Variants in SDCCAG8 observed in about 807,000 individuals in gnomAD.
SDCCAG8 encodes the protein serologically defined colon cancer antigen 8.
Under a neutral mutation model 101.8 loss-of-function variants are expected in SDCCAG8, and 74 were observed. The observed-to-expected ratio is 0.73, with a 90% confidence interval of 0.60 to 0.88. SDCCAG8 has a LOEUF of 0.88. Ranked by LOEUF, SDCCAG8 falls within the 40% of genes least tolerant of loss-of-function variation. The probability of loss-of-function intolerance (pLI) is 0.00; values close to 1 mark genes in which losing one functional copy is unlikely to be tolerated. For missense variants in SDCCAG8, 787 were observed against 822.6 expected (o/e 0.96, Z 0.53); for synonymous variants, 281 against 292.9 (o/e 0.96, Z 0.41).
At chr1:243,465,473 A>G (rs553717520) in intron 16 of SDCCAG8, among the ~76,000 whole-genome samples, 3 of 152,336 alleles carry the variant, frequency 2.0e-5, no homozygotes, top group South Asian at 2.1e-4. Flanking sequence ...TGAATGTACT[A>G]TGTTCTATTG....
At chr1:243,429,071 C>T (rs530310820) in intron 16 of SDCCAG8, among the ~76,000 whole-genome samples, 1 of 152,118 alleles carries the variant, frequency 6.6e-6, no homozygotes, top group Non-Finnish European at 1.5e-5. Context: ...GGAAGTACTT[C>T]CAAGAAGCAG....
intron 15 of SDCCAG8, among the ~76,000 whole-genome samples, chr1:243,421,357 C>T (rs2080987713): frequency 6.6e-6 from 1 of 152,162 alleles, no homozygotes; most frequent in Non-Finnish European, 1.5e-5. Context: ...AGCATGGGCT[C>T]GGCGTGCACG....
intron 12 of SDCCAG8, among the ~76,000 whole-genome samples, chr1:243,350,376 T>TTTG (rs201333787): frequency 4.0e-5 from 6 of 151,734 alleles, no homozygotes; most frequent in African/African-American, 1.2e-4. Flanking sequence ...CCCCAGCTAT[T>TTTG]TTGTTGTTGT....
At chr1:243,311,004 G>A (rs2072666981) in intron 8 of SDCCAG8, among the ~76,000 whole-genome samples, 1 of 152,110 alleles carries the variant, frequency 6.6e-6, no homozygotes, top group Non-Finnish European at 1.5e-5. Flanking sequence ...ATAAATTGGT[G>A]GAAATACTTT....
intron 13 of SDCCAG8, among the ~76,000 whole-genome samples, chr1:243,413,085 G>C (rs1034219886): frequency 6.6e-6 from 1 of 152,172 alleles, no homozygotes; most frequent in Non-Finnish European, 1.5e-5. Flanking sequence ...GGAAGGATTC[G>C]AGAAACATCA....
At chr1:243,348,039 T>A (rs1370392256) in intron 12 of SDCCAG8, among the ~76,000 whole-genome samples, 1 of 141,188 alleles carries the variant, frequency 7.1e-6, no homozygotes, top group Admixed American at 7.0e-5. Flanking sequence ...TTTTTTTTCT[T>A]TTTTTTTTTT....
intron 16 of SDCCAG8, among the ~76,000 whole-genome samples, chr1:243,477,861 G>C (rs1029271245): frequency 2.0e-5 from 3 of 152,226 alleles, no homozygotes; most frequent in Non-Finnish European, 4.4e-5. Context: ...ATGTGGCTCA[G>C]AGTGTGGTTT....
At chr1:243,499,592 A>G (rs1292604937) in intron 17 of SDCCAG8, 164 bp from the exon 18 acceptor site, 6 of 680,050 alleles carry the variant, frequency 8.8e-6, no homozygotes, top group African/African-American at 1.8e-5. Context: ...TGATGTGGAC[A>G]AGATGAGGCA....
At chr1:243,356,639 A>G (rs148695286) in intron 12 of SDCCAG8, among the ~76,000 whole-genome samples, 3 of 152,096 alleles carry the variant, frequency 2.0e-5, no homozygotes, top group East Asian at 3.9e-4. Flanking sequence ...ATTTTAAAAA[A>G]CCATTACTGG....
At chr1:243,473,928 G>GTT (rs1305547939) in intron 16 of SDCCAG8, among the ~76,000 whole-genome samples, 6 of 101,652 alleles carry the variant, frequency 5.9e-5, no homozygotes, top group African/African-American at 2.2e-4. Context: ...CCGGCGGGGG[G>GTT]GGGGGGGGGG....
At chr1:243,377,011 G>A (rs192282321) in intron 12 of SDCCAG8, among the ~76,000 whole-genome samples, 62 of 152,240 alleles carry the variant, frequency 4.1e-4, no homozygotes, top group Admixed American at 3.7e-3. Flanking sequence ...TCTTGCTCAT[G>A]CTAATATATC....
chr1:243,402,406 TA>T (rs201645972), intron 13 of SDCCAG8, among the ~76,000 whole-genome samples: 17,057 of 123,162 alleles, frequency 0.14, 960 homozygotes, highest in African/African-American at 0.15. Flanking sequence ...CTGTCTCAAT[TA>T]AAAAAAAAAA....
chr1:243,379,292 G>A (rs1317436907), intron 13 of SDCCAG8, among the ~76,000 whole-genome samples: 1 of 152,136 alleles, frequency 6.6e-6, no homozygotes, highest in African/African-American at 2.4e-5. Context: ...AAATGGAACT[G>A]ATACAAAATA....
At chr1:243,430,420 C>G (rs995473081) in intron 16 of SDCCAG8, among the ~76,000 whole-genome samples, 3 of 151,968 alleles carry the variant, frequency 2.0e-5, no homozygotes, top group Non-Finnish European at 2.9e-5. Context: ...AAGGCAGGGT[C>G]TTTATGTTTT....
chr1:243,274,351 T>C (rs376649592), intron 3 of SDCCAG8, among the ~76,000 whole-genome samples, 192 bp from the exon 4 acceptor site: 1 of 152,188 alleles, frequency 6.6e-6, no homozygotes, highest in African/African-American at 2.4e-5. Context: ...ACTTGAGGTT[T>C]GTGGGGGACA....
intron 3 of SDCCAG8, among the ~76,000 whole-genome samples, chr1:243,273,766 C>T (rs1036131369): frequency 7.9e-5 from 12 of 152,220 alleles, no homozygotes; most frequent in Admixed American, 7.8e-4. Flanking sequence ...GAGAGTTGTC[C>T]CTTGTATCTC....
intron 13 of SDCCAG8, among the ~76,000 whole-genome samples, chr1:243,393,622 G>T (rs1461524741): frequency 6.6e-6 from 1 of 152,168 alleles, no homozygotes; most frequent in Non-Finnish European, 1.5e-5. Context: ...TTCAGTTCCA[G>T]CTACCATGGA....
At chr1:243,361,233 C>A (rs2076693614) in intron 12 of SDCCAG8, among the ~76,000 whole-genome samples, 1 of 152,318 alleles carries the variant, frequency 6.6e-6, no homozygotes, top group South Asian at 2.1e-4. Flanking sequence ...CAAAATAACC[C>A]TTCAAGTCAT....
rs75671008 is a variant in SDCCAG8, at chr1:243,297,429, C to G, written c.675+4210C>G. 3.9e-4 allele frequency among the ~76,000 whole-genome samples: 59 copies of G among 152,322 alleles called. No individual in the cohort carries two copies. In the East Asian group the frequency reaches 9.6e-3, roughly 25 times the overall value. On this transcript the variant is annotated intron_variant, in intron 6 of 17. Transcript: ENST00000366541. ...GTGTGTATGACACAAATTTACGTTG[C>G]ATATGTATGTTGGAGTGGAATTCTT...
Sources: allele counts gnomAD v4.1 joint callset (sites outside exome capture counted in the v4.1 genomes callset), GRCh38; gene constraint gnomAD v4.1.1; transcripts MANE v1.5; gene names NCBI Gene and HGNC (gene_info 2026-07-23, HGNC 2026-07-21).